UNC5D: variants seen among roughly 807,000 people sequenced by gnomAD.
The protein encoded by UNC5D is netrin receptor UNC5D.
In UNC5D, 39 loss-of-function variants were observed where a neutral mutation model predicts 105.4. The ratio of observed to expected loss-of-function variants is 0.37; its 90% CI spans 0.29 to 0.48. The LOEUF is 0.48. Among genes scored for constraint, UNC5D ranks in the 20% least tolerant of loss-of-function variants. UNC5D has a pLI of 0.98. For synonymous variants in UNC5D, 452 were observed against 450.4 expected (o/e 1.00, Z -0.04); for missense variants, 991 against 1,202.4 (o/e 0.82, Z 2.60).
At chr8:35,657,828 T>C (rs569044937) in intron 4 of UNC5D, among the ~76,000 whole-genome samples, 1 of 152,272 alleles carries the variant, frequency 6.6e-6, no homozygotes, top group African/African-American at 2.4e-5. Context: ...CTAGCAAATA[T>C]CTATACATTT....
In UNC5D at chr8:35,595,580, C is replaced by G; in HGVS notation, c.493C>G (p.Pro165Ala). 1 of 1,613,998 alleles carries G rather than the reference C, an allele frequency of 6.2e-7. No homozygotes were observed. The highest frequency in any genetic ancestry group is 8.5e-7 in the Non-Finnish European group (1 of 1,179,974). Residue 165 changes from proline (P) to alanine (A), a missense_variant, in exon 4 of 17, where the codon CCA (proline) becomes GCA (alanine). This residue lies in a region of UNC5D where 944 missense variants were observed against 1,131.6 expected (regional missense o/e 0.83). Coordinates refer to ENST00000404895, the MANE Select transcript of UNC5D (RefSeq NM_080872.4). ...TTTACGGAAAAACTTTGAACAAGAC[C>G]CACAAGGAAGGGAAGTTCCCATTGA... ...AYLRKNFEQD[P>A]QGREVPIEGM...
Position 35,401,665 on chromosome 8 carries a change from A to G in UNC5D, c.104-147627A>G, listed in dbSNP as rs149761326. On this transcript the variant is annotated intron_variant, in intron 1 of 16. Transcript: ENST00000404895. Reference sequence around the variant, plus strand: ...TCAACCTTATTCCTCTCTTTCCCTAAACTGAAAGTTGGTGCAGCAGACACC... The same window carrying G: ...TCAACCTTATTCCTCTCTTTCCCTAGACTGAAAGTTGGTGCAGCAGACACC... Among the ~76,000 whole-genome samples, 28 of 152,234 alleles carry G rather than the reference A, an allele frequency of 1.8e-4. 1 individual carries two copies. The East Asian group carries it at 5.4e-3, about 29-fold the overall frequency.
intron 1 of UNC5D, among the ~76,000 whole-genome samples, chr8:35,393,722 G>A (rs2128943318): frequency 6.6e-6 from 1 of 152,186 alleles, no homozygotes; most frequent in South Asian, 2.1e-4. Flanking sequence ...AAAATGAAAA[G>A]CACCTGTGAT....
chr8:35,442,205 G>T (rs1191451286), intron 1 of UNC5D, among the ~76,000 whole-genome samples: 1 of 151,814 alleles, frequency 6.6e-6, no homozygotes, highest in Non-Finnish European at 1.5e-5. Context: ...GTTATTGAAG[G>T]TAGGTGAGAG....
chr8:35,448,268 T>C (rs1384233613), intron 1 of UNC5D, among the ~76,000 whole-genome samples: 1 of 152,084 alleles, frequency 6.6e-6, no homozygotes, highest in African/African-American at 2.4e-5. Flanking sequence ...CTAGTTATCA[T>C]ATTTTTAAGA....
rs1802555947 is a variant in UNC5D, at chr8:35,373,941, C to T, written c.103+138054C>T. 2.6e-5 allele frequency among the ~76,000 whole-genome samples: 4 copies of T among 152,100 alleles called. No homozygotes were observed. In the South Asian group the frequency reaches 8.3e-4, roughly 31 times the overall value. On this transcript the variant is annotated intron_variant, in intron 1 of 16. Coordinates refer to ENST00000404895, the MANE Select transcript of UNC5D (RefSeq NM_080872.4). Reference sequence around the variant, plus strand: ...GGCATGCTTTATTTTCCAAAATGGGCTGGGAATTATTTCATCTTCAGGGAA... The same window carrying T: ...GGCATGCTTTATTTTCCAAAATGGGTTGGGAATTATTTCATCTTCAGGGAA...
At chr8:35,736,458 T>C (rs1326118831) in intron 11 of UNC5D, among the ~76,000 whole-genome samples, 1 of 152,174 alleles carries the variant, frequency 6.6e-6, no homozygotes, top group East Asian at 1.9e-4. Flanking sequence ...ATAAGAAAAA[T>C]GAAATGTCTT....
At chr8:35,245,961 C>T (rs1426595823) in intron 1 of UNC5D, among the ~76,000 whole-genome samples, 1 of 152,138 alleles carries the variant, frequency 6.6e-6, no homozygotes, top group Non-Finnish European at 1.5e-5. Flanking sequence ...ATTCTGCTAA[C>T]CATCACTTCA....
At chr8:35,259,788 A>AG (rs1363061957) in intron 1 of UNC5D, among the ~76,000 whole-genome samples, 1 of 151,772 alleles carries the variant, frequency 6.6e-6, no homozygotes, top group Non-Finnish European at 1.5e-5. Flanking sequence ...AACATGTAGA[A>AG]GACATATCCT....
intron 1 of UNC5D, among the ~76,000 whole-genome samples, chr8:35,271,332 C>T (rs1324370307): frequency 5.3e-5 from 6 of 112,564 alleles, no homozygotes; most frequent in Admixed American, 8.4e-5. Context: ...TGCATACACA[C>T]GTGCATGTGT....
intron 1 of UNC5D, among the ~76,000 whole-genome samples, chr8:35,522,271 T>G (rs549931255): frequency 6.6e-6 from 1 of 152,322 alleles, no homozygotes; most frequent in African/African-American, 2.4e-5. Context: ...GAATCACTGT[T>G]CTAATCAGTT....
At chr8:35,370,243 G>A (rs886539819) in intron 1 of UNC5D, among the ~76,000 whole-genome samples, 12 of 152,178 alleles carry the variant, frequency 7.9e-5, no homozygotes, top group East Asian at 1.9e-4. Flanking sequence ...GTTTTCAAAC[G>A]GAAAATCAAG....
intron 1 of UNC5D, among the ~76,000 whole-genome samples, chr8:35,358,192 A>G (rs1025428942): frequency 6.6e-6 from 1 of 152,164 alleles, no homozygotes; most frequent in Non-Finnish European, 1.5e-5. Flanking sequence ...AAAGATACAT[A>G]CATGCGTATG....
chr8:35,756,628 C>G (rs1483747956), intron 13 of UNC5D, among the ~76,000 whole-genome samples: 1 of 151,762 alleles, frequency 6.6e-6, no homozygotes, highest in Non-Finnish European at 1.5e-5. Flanking sequence ...AGAAAAAACA[C>G]TGGACCATGA....
chr8:35,351,365 A>G (rs1812225333), intron 1 of UNC5D, among the ~76,000 whole-genome samples: 1 of 152,144 alleles, frequency 6.6e-6, no homozygotes, highest in Non-Finnish European at 1.5e-5. Context: ...CCCTGACAGT[A>G]GTATTTAAAG....
At chr8:35,451,355 C>A (rs1473196594) in intron 1 of UNC5D, among the ~76,000 whole-genome samples, 1 of 152,038 alleles carries the variant, frequency 6.6e-6, no homozygotes, top group East Asian at 1.9e-4. Flanking sequence ...ATAGTAATAA[C>A]CTTTTATAAG....
At chr8:35,342,192 G>T (rs1019385869) in intron 1 of UNC5D, among the ~76,000 whole-genome samples, 2 of 152,158 alleles carry the variant, frequency 1.3e-5, no homozygotes, top group South Asian at 2.1e-4. Flanking sequence ...AGTGATCCAG[G>T]TCGAGGATTT....
chr8:35,638,235 C>G (rs146175821), intron 4 of UNC5D, among the ~76,000 whole-genome samples: 1 of 152,194 alleles, frequency 6.6e-6, no homozygotes, highest in East Asian at 1.9e-4. Context: ...CGCATAGTAA[C>G]TTAAATACTA....
At chr8:35,406,628 G>A (rs1804819820) in intron 1 of UNC5D, among the ~76,000 whole-genome samples, 1 of 152,070 alleles carries the variant, frequency 6.6e-6, no homozygotes, top group African/African-American at 2.4e-5. Context: ...AGTGAAGTGT[G>A]GGAAGGCCAG....
Sources: gnomAD v4.1 joint callset for allele counts (sites outside exome capture counted in the v4.1 genomes callset) on GRCh38, gnomAD v4.1.1 for gene constraint, gnomAD v4.1.1 regional missense constraint, MANE v1.5 for transcripts, NCBI Gene and HGNC (gene_info 2026-07-23, HGNC 2026-07-21) for gene names.